The following RANBP10 variants were observed in gnomAD, a reference collection of about 807,000 sequenced individuals.
RANBP10 encodes RAN binding protein 10, also known as ran-binding protein 10.
A neutral mutation model predicts 72.8 loss-of-function variants in RANBP10; 24 were observed. That is an observed-to-expected ratio of 0.33 (90% CI 0.24 to 0.46). The LOEUF (loss-of-function observed/expected upper bound fraction) is 0.46. Among genes scored for constraint, RANBP10 ranks in the 20% least tolerant of loss-of-function variants. The pLI, the probability that RANBP10 is intolerant of heterozygous loss-of-function variation, is 1.00. For missense variants in RANBP10, 679 were observed against 817.5 expected, an observed-to-expected ratio of 0.83 and a Z score of 2.07; for synonymous variants, 310 against 322.3, an observed-to-expected ratio of 0.96 and a Z score of 0.41.
At chr16:67,803,994 C>T (rs1013007490) in intron 2 of RANBP10, among the ~76,000 whole-genome samples, 5 of 151,988 alleles carry the variant, frequency 3.3e-5, no homozygotes, top group Non-Finnish European at 5.9e-5. Context: ...TACCCAAGAC[C>T]ACAGAGACCT....
intron 2 of RANBP10, among the ~76,000 whole-genome samples, chr16:67,791,015 T>C (rs541064961): frequency 6.8e-6 from 1 of 146,452 alleles, no homozygotes; most frequent in South Asian, 2.1e-4. Context: ...CCAATTTATT[T>C]CTTTTTTTTT....
chr16:67,743,500 T>A (rs191649264), intron 4 of RANBP10, among the ~76,000 whole-genome samples: 5 of 152,268 alleles, frequency 3.3e-5, no homozygotes, highest in African/African-American at 4.8e-5. Flanking sequence ...CAAGCCCTAA[T>A]CCTAAATGTC....
chr16:67,738,139 G>C, intron 4 of RANBP10, 104 bp from the exon 5 acceptor site: 1 of 1,296,700 alleles, frequency 7.7e-7, no homozygotes, highest in Non-Finnish European at 1.0e-6. Flanking sequence ...GTTTTTTTTG[G>C]TTTGTTGTTG....
At chr16:67,751,903 AAAAG>A (rs1285664405) in intron 3 of RANBP10, among the ~76,000 whole-genome samples, 2 of 152,154 alleles carry the variant, frequency 1.3e-5, no homozygotes, top group Non-Finnish European at 2.9e-5. Flanking sequence ...AAAGAAAAAA[AAAAG>A]AAAGAATTTA....
Position 67,731,596 on chromosome 16 carries a change from G to A in RANBP10, c.777-12C>T. On this transcript the variant is annotated splice_polypyrimidine_tract_variant and intron_variant, in intron 6 of 13. Transcript: ENST00000317506. Reference sequence around the variant, plus strand: ...AAGATGAAACCATGCTAGAAGAAAGGAAGAGCTTCAGGTGACACTCAAGAA... The same window carrying A: ...AAGATGAAACCATGCTAGAAGAAAGAAAGAGCTTCAGGTGACACTCAAGAA... 1 of 1,603,256 alleles carries A rather than the reference G, an allele frequency of 6.2e-7. No homozygotes were observed. The highest frequency in any genetic ancestry group is 8.5e-7 in the Non-Finnish European group (1 of 1,171,110).
At chr16:67,747,817 CTT>C (rs1160482023) in intron 3 of RANBP10, among the ~76,000 whole-genome samples, 11 of 121,310 alleles carry the variant, frequency 9.1e-5, no homozygotes, top group South Asian at 2.7e-4. Context: ...ATTTTCTTTT[CTT>C]TTTTTTTTTT....
intron 3 of RANBP10, among the ~76,000 whole-genome samples, chr16:67,769,358 C>T (rs112074117): frequency 0.22 from 32,608 of 146,868 alleles, 4,393 homozygotes; most frequent in South Asian, 0.32. Flanking sequence ...ATGGGAGGAT[C>T]GCTTGAGCCC....
rs950131852 is a variant in RANBP10 at position 67,725,201 on chromosome 16, G to C, written c.*1227C>G. The C allele has an allele frequency of 6.6e-6, 1 of 152,582 alleles. No individual in the cohort carries two copies. Among genetic ancestry groups the C allele is most frequent in the South Asian group, 2.1e-4 (1 of 4,832 alleles). 9.5% of individuals were successfully genotyped at this position (152,582 alleles called of 1,614,324 possible). On this transcript the variant is annotated 3_prime_UTR_variant, in exon 14 of 14. Transcript: ENST00000317506. The stretch of plus-strand genomic sequence containing the variant: ...AGAGTGGCTAGGGCCCAGCTGCAGG[G>C]AGCTGTCTGGCACAGTGGCAGTGAA...
chr16:67,787,792 C>T (rs529866740), intron 2 of RANBP10, among the ~76,000 whole-genome samples: 13 of 152,030 alleles, frequency 8.6e-5, no homozygotes, highest in Admixed American at 7.9e-4. Context: ...ACTTGAGGCC[C>T]GGTGTCAAGA....
At chr16:67,733,766 A>G (rs1255333499) in intron 6 of RANBP10, among the ~76,000 whole-genome samples, 1 of 152,204 alleles carries the variant, frequency 6.6e-6, no homozygotes, top group East Asian at 1.9e-4. Context: ...TGAGCCCAGG[A>G]GTCCAACCTG....
chr16:67,789,309 CAAA>C (rs1212571635), intron 2 of RANBP10, among the ~76,000 whole-genome samples: 1 of 129,966 alleles, frequency 7.7e-6, no homozygotes, highest in Admixed American at 7.8e-5. Context: ...GACTCCATCT[CAAA>C]AAAAAAAAAA....
In RANBP10 at chr16:67,744,380, T is replaced by C; in HGVS notation, c.476A>G (p.Tyr159Cys). ...GTCTCCTGTGGTGAATGTGGGACCA[T>C]AGGGCTGGCCAGTCCCCGAGGAGCA... Reference protein sequence around the residue: ...SFCSSGTGQPYGPTFTTGDVI... With the variant: ...SFCSSGTGQPCGPTFTTGDVI... Residue 159 changes from tyrosine to cysteine, a missense_variant, in exon 4 of 14, where the codon TAT (tyrosine) becomes TGT (cysteine). Transcript: ENST00000317506. 5.0e-6 allele frequency: 8 copies of C among 1,614,204 alleles called. No homozygotes were observed. The highest frequency in any genetic ancestry group is 5.9e-6 in the Non-Finnish European group (7 of 1,180,028).
chr16:67,728,806 A>G (rs1361751930), intron 10 of RANBP10, among the ~76,000 whole-genome samples: 1 of 152,052 alleles, frequency 6.6e-6, no homozygotes, highest in East Asian at 1.9e-4. Flanking sequence ...CCCCAACCTA[A>G]TGACTGGGCC....
At position 67,744,464 on chromosome 16, in the gene RANBP10, G is replaced by A; in HGVS notation, c.401-9C>T. On this transcript the variant is annotated splice_polypyrimidine_tract_variant and intron_variant, in intron 3 of 13. Transcript: ENST00000317506. ...GGAATGTTTGTCCCAACCTGTGGGG[G>A]AAGAGAGCAGCAATAACTGAGTAGG... 6.2e-7 allele frequency: 1 copy of A among 1,609,258 alleles called. No individual in the cohort carries two copies. Among genetic ancestry groups the A allele is most frequent in the Non-Finnish European group, 8.5e-7 (1 of 1,176,926 alleles).
At chr16:67,767,313 C>G (rs1428218215) in intron 3 of RANBP10, among the ~76,000 whole-genome samples, 1 of 152,006 alleles carries the variant, frequency 6.6e-6, no homozygotes, top group Non-Finnish European at 1.5e-5. Flanking sequence ...TTTTACTAGG[C>G]AGGCATGGTG....
intron 4 of RANBP10, 93 bp downstream of exon 4, chr16:67,744,195 G>A (rs544552400): frequency 6.5e-7 from 1 of 1,530,702 alleles, no homozygotes; most frequent in Non-Finnish European, 8.8e-7. Flanking sequence ...GAGCTCAGCA[G>A]AGGCGACACT....
chr16:67,775,244 G>A (rs942308119), intron 2 of RANBP10, among the ~76,000 whole-genome samples: 1 of 152,094 alleles, frequency 6.6e-6, no homozygotes, highest in African/African-American at 2.4e-5. Flanking sequence ...CCTAGAGGCC[G>A]AGGTTGCAGT....
chr16:67,741,135 A>G (rs187993318), intron 4 of RANBP10, among the ~76,000 whole-genome samples: 9 of 152,332 alleles, frequency 5.9e-5, no homozygotes, highest in African/African-American at 2.2e-4. Context: ...GACTTCAAGG[A>G]AAAAGGGAGA....
intron 3 of RANBP10, among the ~76,000 whole-genome samples, chr16:67,769,443 C>CAAACAAAAAAA (rs1555554951): frequency 1.7e-4 from 5 of 30,282 alleles, no homozygotes; most frequent in African/African-American, 2.5e-4. Context: ...GACCCTGTCT[C>CAAACAAAAAAA]AAAAAAAAAA....
Sources: gnomAD v4.1 joint callset for allele counts (sites outside exome capture counted in the v4.1 genomes callset) on GRCh38, gnomAD v4.1.1 for gene constraint, MANE v1.5 for transcripts, NCBI Gene and HGNC (gene_info 2026-07-23, HGNC 2026-07-21) for gene names.